RIC8B: variants seen among roughly 807,000 people sequenced by gnomAD.
The protein encoded by RIC8B is chaperone Ric-8B.
In RIC8B, 16 loss-of-function variants were observed where a neutral mutation model predicts 57.5. That is an observed-to-expected ratio of 0.28 (90% CI 0.19 to 0.42). The LOEUF (loss-of-function observed/expected upper bound fraction) is 0.42, where lower values mean the gene tolerates loss of function less well. RIC8B is among the 10% of genes least tolerant of loss of function. RIC8B has a pLI of 1.00. For missense variants in RIC8B, 481 were observed against 677.0 expected, an observed-to-expected ratio of 0.71 and a Z score of 3.21; for synonymous variants, 216 against 250.8, an observed-to-expected ratio of 0.86 and a Z score of 1.31.
chr12:106,863,623 A>G (rs568751077), intron 8 of RIC8B, among the ~76,000 whole-genome samples: 6 of 152,186 alleles, frequency 3.9e-5, no homozygotes, highest in African/African-American at 1.4e-4. Flanking sequence ...CTCTTTGCCC[A>G]ATTTGGGCTG....
chr12:106,810,375 C>T (rs1208829775), intron 2 of RIC8B, among the ~76,000 whole-genome samples: 1 of 151,638 alleles, frequency 6.6e-6, no homozygotes, highest in Non-Finnish European at 1.5e-5. Flanking sequence ...AAAGCCACTA[C>T]AATACGTTTT....
chr12:106,856,160 C>A (rs1949708883), intron 7 of RIC8B, among the ~76,000 whole-genome samples: 1 of 152,108 alleles, frequency 6.6e-6, no homozygotes, highest in Non-Finnish European at 1.5e-5. Context: ...TTAGTGCAGA[C>A]CCTTAAAATT....
chr12:106,784,817 C>T (rs542992406), intron 2 of RIC8B, among the ~76,000 whole-genome samples: 1 of 152,290 alleles, frequency 6.6e-6, no homozygotes, highest in South Asian at 2.1e-4. Context: ...GTTGACAGTG[C>T]CTTGAAATCA....
rs969924025 is a variant in RIC8B at position 106,886,165 on chromosome 12, G to C, written c.*150G>C. The C allele has an allele frequency of 9.7e-6, 6 of 616,510 alleles. No individual in the cohort carries two copies. The highest frequency in any genetic ancestry group is 1.4e-5 in the Non-Finnish European group (5 of 352,698). 38.2% of individuals were successfully genotyped at this position (616,510 alleles called of 1,614,324 possible). A position where few individuals can be genotyped will look rare whatever the true frequency, so the allele number is the denominator to read the frequency against. On this transcript the variant is annotated 3_prime_UTR_variant, in exon 10 of 10. Coordinates refer to ENST00000392837, the MANE Select transcript of RIC8B (RefSeq NM_001330145.2). Reference sequence around the variant, plus strand: ...CATTGAGAATCCAGCATATTTAAGAGGTGACCCTGTGTTTTTTGTGATATT... The same window carrying C: ...CATTGAGAATCCAGCATATTTAAGACGTGACCCTGTGTTTTTTGTGATATT...
At chr12:106,796,152 T>G (rs1216003) in intron 2 of RIC8B, among the ~76,000 whole-genome samples, 16,232 of 152,220 alleles carry the variant, frequency 0.11, 985 homozygotes, top group Non-Finnish European at 0.14. Context: ...GACAAGCTAG[T>G]TCTAAAATTC....
chr12:106,791,199 G>A (rs763686724), intron 2 of RIC8B, among the ~76,000 whole-genome samples: 3 of 152,134 alleles, frequency 2.0e-5, no homozygotes, highest in Non-Finnish European at 4.4e-5. Context: ...TCACAGCCAC[G>A]TAAAACTGAT....
chr12:106,868,044 A>G (rs542538541), intron 8 of RIC8B, among the ~76,000 whole-genome samples: 12 of 152,362 alleles, frequency 7.9e-5, no homozygotes, highest in Non-Finnish European at 1.8e-4. Context: ...TCATTTTAGC[A>G]GCCAGGGGAC....
intron 8 of RIC8B, among the ~76,000 whole-genome samples, chr12:106,868,848 CTTT>C (rs572218268): frequency 1.2e-5 from 1 of 85,536 alleles, no homozygotes; most frequent in African/African-American, 4.4e-5. Context: ...GAGGCCCAAG[CTTT>C]TTTTTTTTTT....
intron 4 of RIC8B, among the ~76,000 whole-genome samples, chr12:106,827,690 T>TA (rs2046170528): frequency 1.3e-5 from 2 of 152,190 alleles, no homozygotes; most frequent in Non-Finnish European, 1.5e-5. Flanking sequence ...ACAGTACCTT[T>TA]AAAAAAAGTC....
intron 2 of RIC8B, among the ~76,000 whole-genome samples, chr12:106,792,625 T>C (rs1225215743): frequency 6.6e-6 from 1 of 152,162 alleles, no homozygotes; most frequent in African/African-American, 2.4e-5. Context: ...AAGAAACACC[T>C]ATTCAAAAAA....
intron 2 of RIC8B, among the ~76,000 whole-genome samples, chr12:106,796,257 G>A (rs1268449264): frequency 6.6e-6 from 1 of 152,102 alleles, no homozygotes; most frequent in Non-Finnish European, 1.5e-5. Context: ...TTACTACAGG[G>A]CCAAGAGCGG....
rs1180874327 is a variant in RIC8B at position 106,822,064 on chromosome 12, C to T, written c.742-3662C>T. 2.4e-4 allele frequency among the ~76,000 whole-genome samples: 28 copies of T among 114,370 alleles called. No individual in the cohort carries two copies. In the South Asian group the frequency reaches 2.9e-3, roughly 12 times the overall value. The allele number at this position is 114,370 out of a possible 152,430, so 75.0% of individuals were successfully genotyped here. On this transcript the variant is annotated intron_variant, in intron 3 of 9. Transcript: ENST00000392837. Reference sequence around the variant, plus strand: ...CTGCACTTCAGCCTGGGCGACAGACCGAGACTCCATCTCAAAAAAAAAAAA... The same window carrying T: ...CTGCACTTCAGCCTGGGCGACAGACTGAGACTCCATCTCAAAAAAAAAAAA...
chr12:106,780,976 C>T (rs763919087), intron 1 of RIC8B, among the ~76,000 whole-genome samples: 4 of 152,142 alleles, frequency 2.6e-5, no homozygotes, highest in Non-Finnish European at 5.9e-5. Flanking sequence ...TAAGACTGGA[C>T]TCAAACTCAA....
At chr12:106,808,266 A>G (rs976766819) in intron 2 of RIC8B, among the ~76,000 whole-genome samples, 3 of 152,198 alleles carry the variant, frequency 2.0e-5, no homozygotes, top group Non-Finnish European at 4.4e-5. Context: ...TGCAAGTACT[A>G]TACCACTTTA....
At chr12:106,794,923 C>T (rs2044409514) in intron 2 of RIC8B, among the ~76,000 whole-genome samples, 1 of 152,094 alleles carries the variant, frequency 6.6e-6, no homozygotes, top group Admixed American at 6.5e-5. Context: ...ATTTTAAGAG[C>T]ATTTGTATAA....
At chr12:106,804,189 A>C (rs1253044752) in intron 2 of RIC8B, among the ~76,000 whole-genome samples, 4 of 151,600 alleles carry the variant, frequency 2.6e-5, no homozygotes, top group Admixed American at 6.6e-5. Flanking sequence ...AACCCTATGA[A>C]GTAGGTACTT....
At chr12:106,837,565 A>G (rs985210225) in intron 4 of RIC8B, among the ~76,000 whole-genome samples, 3 of 152,008 alleles carry the variant, frequency 2.0e-5, no homozygotes, top group East Asian at 1.9e-4. Context: ...AGTGCCTGGC[A>G]TAAGTAAATA....
At chr12:106,884,525 AATG>A (rs1300910459) in intron 9 of RIC8B, among the ~76,000 whole-genome samples, 1 of 152,140 alleles carries the variant, frequency 6.6e-6, no homozygotes, top group East Asian at 1.9e-4. Context: ...GGTTGGACTA[AATG>A]ATCTCTCAGA....
At chr12:106,814,636 T>G in intron 2 of RIC8B, 60 bp from the exon 3 acceptor site, 3 of 1,501,942 alleles carry the variant, frequency 2.0e-6, no homozygotes, top group Non-Finnish European at 2.7e-6. Flanking sequence ...CAGAGAAACA[T>G]TCTGTGTTAA....
Sources: allele counts gnomAD v4.1 joint callset (sites outside exome capture counted in the v4.1 genomes callset), GRCh38; gene constraint gnomAD v4.1.1; transcripts MANE v1.5; gene names NCBI Gene and HGNC (gene_info 2026-07-23, HGNC 2026-07-21).